Variants in ENTPD1 observed in about 807,000 individuals in gnomAD.
ENTPD1 encodes ATP diphosphohydrolase.
A neutral mutation model predicts 57.0 loss-of-function variants in ENTPD1; 33 were observed. The ratio of observed to expected loss-of-function variants is 0.58; its 90% CI spans 0.44 to 0.77. The LOEUF is 0.77. ENTPD1 is among the 30% of genes least tolerant of loss of function. The probability of loss-of-function intolerance (pLI) is 0.00; values close to 1 mark genes in which losing one functional copy is unlikely to be tolerated. For missense variants in ENTPD1, 501 were observed against 603.4 expected (o/e 0.83, Z 1.78); for synonymous variants, 202 against 218.8 (o/e 0.92, Z 0.68).
chr10:95,856,511 A>G lies in ENTPD1; in HGVS notation c.1075-3958A>G, dbSNP rs998953051. ...CTACTGGATATCTACCCAGAGGAAA[A>G]TAAGTCATTGTATGAAAAAGACACT... On this transcript the variant is annotated intron_variant, in intron 7 of 9. Coordinates refer to ENST00000371205, the MANE Select transcript of ENTPD1 (RefSeq NM_001776.6). Among the ~76,000 whole-genome samples, 15 of 152,264 alleles carry G rather than the reference A, an allele frequency of 9.9e-5. No individual in the cohort carries two copies. The South Asian group carries it at 1.2e-3, about 13-fold the overall frequency.
At chr10:95,843,966 GA>G (rs1040293929) in intron 4 of ENTPD1, among the ~76,000 whole-genome samples, 1 of 152,186 alleles carries the variant, frequency 6.6e-6, no homozygotes, top group African/African-American at 2.4e-5. Flanking sequence ...ATATGAGGAA[GA>G]TTTTTCCCAG....
chr10:95,857,046 T>C (rs1285335116), intron 7 of ENTPD1, among the ~76,000 whole-genome samples: 1 of 152,060 alleles, frequency 6.6e-6, no homozygotes, highest in Non-Finnish European at 1.5e-5. Context: ...GACATTTCTA[T>C]TTTGAAGGAA....
chr10:95,768,168 C>A (rs970007533), intron 1 of ENTPD1, among the ~76,000 whole-genome samples: 3 of 152,210 alleles, frequency 2.0e-5, no homozygotes, highest in Non-Finnish European at 2.9e-5. Flanking sequence ...TTGAGGACAA[C>A]TGTTTTTTAG....
At chr10:95,799,360 C>T (rs1269626306) in intron 1 of ENTPD1, among the ~76,000 whole-genome samples, 1 of 152,124 alleles carries the variant, frequency 6.6e-6, no homozygotes. Flanking sequence ...GTATTCTCAT[C>T]ATTTGGCTCT....
intron 1 of ENTPD1, among the ~76,000 whole-genome samples, chr10:95,798,541 C>G (rs536337931): frequency 1.8e-4 from 28 of 152,056 alleles, no homozygotes; most frequent in Non-Finnish European, 3.8e-4. Context: ...GTCTTGTTAT[C>G]CAAATATTGT....
intron 7 of ENTPD1, among the ~76,000 whole-genome samples, chr10:95,858,705 G>A (rs2098459962): frequency 6.6e-6 from 1 of 152,182 alleles, no homozygotes; most frequent in Non-Finnish European, 1.5e-5. Flanking sequence ...TCCAGTTTCT[G>A]CAGAGCTCGA....
At chr10:95,726,832 A>C (rs946855946) in intron 1 of ENTPD1, among the ~76,000 whole-genome samples, 3 of 152,236 alleles carry the variant, frequency 2.0e-5, no homozygotes, top group East Asian at 3.9e-4. Flanking sequence ...TCATCTCTGC[A>C]CACTGGGTCC....
intron 1 of ENTPD1, among the ~76,000 whole-genome samples, chr10:95,724,797 G>A (rs11188449): frequency 0.46 from 70,047 of 152,072 alleles, 16,563 homozygotes; most frequent in East Asian, 0.74. Context: ...GACCAGAAGA[G>A]TGTGCAGTTG....
intron 1 of ENTPD1, among the ~76,000 whole-genome samples, chr10:95,784,226 T>C (rs1302796456): frequency 6.6e-6 from 1 of 152,042 alleles, no homozygotes. Flanking sequence ...TCCAGCTTCT[T>C]GTATCCTGGA....
In ENTPD1 at chr10:95,745,665, A is replaced by T. The variant is rs577833786; in HGVS notation, c.37+33672A>T. ...GAGAGAGGAAGTAGTTATAGCTAAAAAAACTAAGGTAATGCCTACACAGCA... is the reference window on the plus strand; with the variant it reads ...GAGAGAGGAAGTAGTTATAGCTAAATAAACTAAGGTAATGCCTACACAGCA... On this transcript the variant is annotated intron_variant, in intron 1 of 9. Coordinates refer to the ENTPD1 transcript ENST00000453258. Among the ~76,000 whole-genome samples, 6 of 152,366 alleles carry T rather than the reference A, an allele frequency of 3.9e-5. No homozygotes were observed. The South Asian group carries it at 1.2e-3, about 32-fold the overall frequency.
intron 1 of ENTPD1, among the ~76,000 whole-genome samples, chr10:95,811,983 T>A (rs1009365611): frequency 1.3e-4 from 20 of 152,232 alleles, no homozygotes; most frequent in African/African-American, 4.8e-4. Context: ...CTTTACCCTT[T>A]GATAGATGTT....
intron 1 of ENTPD1, among the ~76,000 whole-genome samples, chr10:95,818,670 C>T (rs2098338198): frequency 6.6e-6 from 1 of 152,030 alleles, no homozygotes; most frequent in African/African-American, 2.4e-5. Context: ...ATCTTCAAGC[C>T]CCTGAGTGTG....
intron 1 of ENTPD1, among the ~76,000 whole-genome samples, chr10:95,796,998 A>C (rs1203178273): frequency 6.6e-6 from 1 of 152,110 alleles, no homozygotes; most frequent in East Asian, 1.9e-4. Context: ...ACTTGAGTCC[A>C]GGAGTTCAAG....
intron 6 of ENTPD1, among the ~76,000 whole-genome samples, chr10:95,847,088 C>A (rs2098437223): frequency 6.6e-6 from 1 of 152,044 alleles, no homozygotes; most frequent in African/African-American, 2.4e-5. Context: ...AGAACTACTC[C>A]CAGGCCCAAA....
At chr10:95,812,766 A>T (rs972280456) in intron 1 of ENTPD1, among the ~76,000 whole-genome samples, 3 of 152,228 alleles carry the variant, frequency 2.0e-5, no homozygotes, top group Non-Finnish European at 1.5e-5. Flanking sequence ...GTCAATATTT[A>T]AAAAATTTTG....
intron 8 of ENTPD1, chr10:95,861,421 G>A (rs2098465149): frequency 6.6e-6 from 1 of 152,212 alleles, no homozygotes; most frequent in Admixed American, 6.5e-5. Context: ...TACTTAAGTT[G>A]ACAGTTGCAA....
intron 1 of ENTPD1, among the ~76,000 whole-genome samples, chr10:95,812,457 A>G (rs1187856178): frequency 6.6e-6 from 1 of 152,210 alleles, no homozygotes; most frequent in Non-Finnish European, 1.5e-5. Flanking sequence ...ATTTCATTGT[A>G]TGATTGTTCC....
At chr10:95,695,064 C>G in the ENTPD1 span, among the ~76,000 whole-genome samples, 1 of 151,912 alleles carries the variant, frequency 6.6e-6, no homozygotes, top group East Asian at 1.9e-4. Context: ...CCACGCCCGG[C>G]TAATTTTATT....
intron 1 of ENTPD1, among the ~76,000 whole-genome samples, chr10:95,785,412 G>C (rs573597533): frequency 6.6e-6 from 1 of 152,258 alleles, no homozygotes; most frequent in South Asian, 2.1e-4. Context: ...TTAATTTAAA[G>C]CTTTGTTATG....
Sources: allele counts gnomAD v4.1 joint callset (sites outside exome capture counted in the v4.1 genomes callset), GRCh38; gene constraint gnomAD v4.1.1; transcripts MANE v1.5; gene names NCBI Gene and HGNC (gene_info 2026-07-23, HGNC 2026-07-21).